ABCA2: variants seen among roughly 807,000 people sequenced by gnomAD.
ABCA2 encodes ATP-binding cassette sub-family A member 2.
In ABCA2, 84 loss-of-function variants were observed where a neutral mutation model predicts 262.8. The ratio of observed to expected loss-of-function variants is 0.32; its 90% CI spans 0.27 to 0.38. ABCA2 has a LOEUF of 0.38. Ranked by LOEUF, ABCA2 falls within the 10% of genes least tolerant of loss-of-function variation. The probability of loss-of-function intolerance (pLI) is 1.00; values close to 1 mark genes in which losing one functional copy is unlikely to be tolerated. For synonymous variants in ABCA2, 1,696 were observed against 1,502.9 expected, an observed-to-expected ratio of 1.13 and a Z score of -2.97; for missense variants, 2,662 against 3,405.9, an observed-to-expected ratio of 0.78 and a Z score of 5.44.
rs746310617 is a variant in ABCA2, at chr9:137,011,077, G to A, written c.5952C>T (p.Phe1984=). The A allele has an allele frequency of 5.0e-6, 8 of 1,612,090 alleles. No homozygotes were observed. Among genetic ancestry groups the A allele is most frequent in the South Asian group, 1.1e-5 (1 of 91,054 alleles). Residue 1984 remains phenylalanine (F), a synonymous_variant, in exon 39 of 49, where the codon TTC becomes TTT. Coordinates refer to ENST00000341511, the MANE Select transcript of ABCA2 (RefSeq NM_001606.5). This position sits in a 1 kb window ranked among gnomAD's most constrained non-coding sequence, Gnocchi z 8.8. ...IGQFDKMKSP[F]EWDIVTRGLV... ...GTCCGCGGGTGACAATGTCCCACTC[G>A]AACGGGGACTTCATCTTGTCAAACT...
At position 137,013,226 on chromosome 9, in the gene ABCA2, G is replaced by A. The variant is rs572276239; in HGVS notation, c.4643C>T (p.Pro1548Leu). The A allele has an allele frequency of 1.6e-5, 25 of 1,602,436 alleles. No individual in the cohort carries two copies. The East Asian group carries it at 4.9e-4, about 32-fold the overall frequency. ...GVGATCVLKS[P>L]ANGSLGPTLN... ...CGTGGGCCCCAGCGAGCCGTTGGCG[G>A]GAGACTTGAGCACGCAGGTGGCACC... is the stretch of plus-strand genomic sequence containing the variant. Residue 1548 changes from proline (P) to leucine (L), a missense_variant, in exon 30 of 49, where the codon CCC (proline) becomes CTC (leucine). By Grantham distance (98) the Pro-to-Leu change is moderately conservative. This residue lies in a region of ABCA2 where 192 missense variants were observed against 207.2 expected (regional missense o/e 0.93). Coordinates refer to ENST00000341511, the MANE Select transcript of ABCA2 (RefSeq NM_001606.5).
rs1177786102 is a variant in ABCA2 at position 137,017,542 on chromosome 9, G to A, written c.2362C>T (p.Leu788Phe). The A allele has an allele frequency of 2.5e-6, 4 of 1,611,562 alleles. No individual in the cohort carries two copies. The highest frequency in any genetic ancestry group is 3.4e-6 in the Non-Finnish European group (4 of 1,178,944). The change falls in exon 17 of 49, where the codon CTC becomes TTC. Residue 788 changes from leucine (L) to phenylalanine (F), a missense_variant. By Grantham distance (22) the Leu-to-Phe change is conservative. This residue lies in a region of ABCA2 where 188 missense variants were observed against 343.4 expected (regional missense o/e 0.55). Coordinates refer to ENST00000341511, the MANE Select transcript of ABCA2 (RefSeq NM_001606.5). ...LMHSHVVIIW[L>F]FLAVYAVATI... ...GCCACCGCGTAGACTGCCAGGAAGA[G>A]CCAGATGATGACCACGTGGCTGTGC...
In ABCA2 at chr9:137,018,771, A is replaced by G; in HGVS notation, c.1767T>C (p.Ile589=). 4 of 1,612,532 alleles carry G rather than the reference A, an allele frequency of 2.5e-6. No homozygotes were observed. The highest frequency in any genetic ancestry group is 3.4e-6 in the Non-Finnish European group (4 of 1,179,834). ...AGGCCTGGTTGAGGGTGTAGTTGAC[A>G]ATGCTCTCCTCGTCGGGGAAGCCCT... is the stretch of plus-strand genomic sequence containing the variant. The part of the protein sequence containing the change: ...IFKGFPDEES[I]VNYTLNQAYQ... Residue 589 remains isoleucine (I), a synonymous_variant, in exon 13 of 49, where the codon ATT becomes ATC. Transcript: ENST00000341511.
chr9:137,012,412 C>A (rs369987010), intron 32 of ABCA2, 36 bp from the exon 33 acceptor site: 11 of 1,609,086 alleles, frequency 6.8e-6, no homozygotes, highest in Non-Finnish European at 9.3e-6. Context: ...GGCCCCAGGA[C>A]CTCAGACCTG....
chr9:137,015,500 C>A lies in ABCA2; in HGVS notation c.3611G>T (p.Gly1204Val). The change falls in exon 24 of 49, where the codon GGC becomes GTC. Residue 1204 changes from glycine (G) to valine (V), a missense_variant. By Grantham distance (109) the Gly-to-Val change is moderately radical (BLOSUM62 -3). Coordinates refer to ENST00000341511, the MANE Select transcript of ABCA2 (RefSeq NM_001606.5). Reference sequence around the variant, plus strand: ...GGTGCCCTTGAGGAAGAGCGGGGAGCCGCAGCACTTGAGCTTCCCATGGGA... The same window carrying A: ...GGTGCCCTTGAGGAAGAGCGGGGAGACGCAGCACTTGAGCTTCCCATGGGA... The part of the protein sequence containing the change: ...IISHGKLKCC[G>V]SPLFLKGTYG... 1 of 1,611,736 alleles carries A rather than the reference C, an allele frequency of 6.2e-7. No individual in the cohort carries two copies. The highest frequency in any genetic ancestry group is 8.5e-7 in the Non-Finnish European group (1 of 1,179,506).
rs550747733 is a variant in ABCA2, at chr9:137,026,188, C to T, written c.66+1887G>A. On this transcript the variant is annotated intron_variant, in intron 1 of 48. Transcript: ENST00000341511. ...TCCAGCTAACTAAGAGGAGATAGGCCACACTCACAGACAGGGAAACTGAGG... is the reference window on the plus strand; with the variant it reads ...TCCAGCTAACTAAGAGGAGATAGGCTACACTCACAGACAGGGAAACTGAGG... Among the ~76,000 whole-genome samples the T allele has an allele frequency of 2.1e-3, 325 of 152,330 alleles. 2 individuals are homozygous for T. The highest frequency in any genetic ancestry group is 7.7e-3 in the African/African-American group (319 of 41,580).
rs1831247566 is a variant in ABCA2, at chr9:137,015,983, T to G, written c.3296A>C (p.Glu1099Ala). Residue 1099 changes from glutamate to alanine, a missense_variant, in exon 22 of 49, where the codon GAG becomes GCG. By Grantham distance (107) the Glu-to-Ala change is moderately radical. Transcript: ENST00000341511. ...CCACTTGTCCATCTCTCTGCGGATCTCCTCCTGAGCCATGCTCTTGAGCCG... is the reference window on the plus strand; with the variant it reads ...CCACTTGTCCATCTCTCTGCGGATCGCCTCCTGAGCCATGCTCTTGAGCCG... ...YSRLKSMAQE[E>A]IRREMDKMIE... The G allele has an allele frequency of 7.3e-7, 1 of 1,372,578 alleles. No homozygotes were observed. The highest frequency in any genetic ancestry group is 1.1e-5 in the South Asian group (1 of 87,660). The allele number at this position is 1,372,578 out of a possible 1,614,324, so 85.0% of individuals were successfully genotyped here.
rs562896926 is a variant in ABCA2 at position 137,011,874 on chromosome 9, G to A, written c.5505C>T (p.Ile1835=). The change falls in exon 35 of 49, where the codon ATC becomes ATT. Residue 1835 remains isoleucine, a synonymous_variant. Coordinates refer to ENST00000341511, the MANE Select transcript of ABCA2 (RefSeq NM_001606.5). The surrounding 1 kb of genome is among the most constrained non-coding windows in gnomAD (Gnocchi z 8.8). ...LQFVSGCNPI[I]YWLANYVWDM... ...CCCACACGTAGTTCGCCAGCCAGTA[G>A]ATGATGGGGTTGCAGCCGCTGACAA... The A allele has an allele frequency of 3.9e-5, 63 of 1,608,692 alleles. No individual in the cohort carries two copies. The South Asian group carries it at 6.7e-4, about 17-fold the overall frequency.
Position 137,012,741 on chromosome 9 carries a change from G to A in ABCA2, c.5052C>T (p.Leu1684=). Residue 1684 remains leucine, a synonymous_variant, in exon 31 of 49, where the codon CTC becomes CTT. Transcript: ENST00000341511. ...GCAGTCGGAAGCGGTCGGAGGTGAA[G>A]AGCAGGTACTCAGAGACATTGTGGC... The part of the protein sequence containing the change: ...ITGHNVSEYL[L]FTSDRFRLHR... 4 of 1,612,688 alleles carry A rather than the reference G, an allele frequency of 2.5e-6. No homozygotes were observed. The highest frequency in any genetic ancestry group is 4.5e-5 in the East Asian group (2 of 44,868).
chr9:137,013,414 C>A, intron 29 of ABCA2, 47 bp downstream of exon 29: 1 of 1,561,804 alleles, frequency 6.4e-7, no homozygotes, highest in Non-Finnish European at 8.7e-7. Context: ...TGTCCCCGCC[C>A]CTTCACTCGC....
At position 137,016,749 on chromosome 9, in the gene ABCA2, G is replaced by C; in HGVS notation, c.2759-11C>G. On this transcript the variant is annotated splice_polypyrimidine_tract_variant and intron_variant, in intron 19 of 48. Coordinates refer to ENST00000341511, the MANE Select transcript of ABCA2 (RefSeq NM_001606.5). ...GCAGCCCGTACATGCCTGGGGGTCG[G>C]GGAGGGGAGGGGAGGCTGACCTAGG... 1 of 1,537,954 alleles carries C rather than the reference G, an allele frequency of 6.5e-7. No individual in the cohort carries two copies. The highest frequency in any genetic ancestry group is 8.7e-7 in the Non-Finnish European group (1 of 1,146,062).
Position 137,016,119 on chromosome 9 carries a change from G to A in ABCA2, c.3160C>T (p.His1054Tyr), listed in dbSNP as rs776095869. 5 of 1,612,884 alleles carry A rather than the reference G, an allele frequency of 3.1e-6. No homozygotes were observed. The highest frequency in any genetic ancestry group is 2.2e-5 in the East Asian group (1 of 44,882). The change falls in exon 22 of 49, where the codon CAC becomes TAC. Residue 1054 changes from histidine to tyrosine, a missense_variant. Physicochemically the swap from His to Tyr is moderately conservative, Grantham distance 83. This residue lies in a region of ABCA2 where 180 missense variants were observed against 307.3 expected (regional missense o/e 0.59). Coordinates refer to ENST00000341511, the MANE Select transcript of ABCA2 (RefSeq NM_001606.5). ...TCATCCATCTCCGTGCGGATGTCGT[G>A]CCCGTAGATGGTGGCGGAACCCGAC... ...PTSGSATIYG[H>Y]DIRTEMDEIR...
At chr9:137,018,397 C>T in intron 13 of ABCA2, 46 bp from the exon 14 acceptor site, 1 of 840,982 alleles carries the variant, frequency 1.2e-6, no homozygotes, top group Non-Finnish European at 1.5e-6. Flanking sequence ...GGGGCGGGAC[C>T]AAGGCGTGGT....
rs1343630246 is a variant in ABCA2 at position 137,021,024 on chromosome 9, G to A, written c.935C>T (p.Pro312Leu). Residue 312 changes from proline to leucine, a missense_variant, in exon 9 of 49, where the codon CCA (proline) becomes CTA (leucine). Physicochemically the swap from Pro to Leu is moderately conservative, Grantham distance 98. Coordinates refer to ENST00000341511, the MANE Select transcript of ABCA2 (RefSeq NM_001606.5). The surrounding 1 kb of genome is among the most constrained non-coding windows in gnomAD (Gnocchi z 6.0). Reference protein sequence around the residue: ...LDAPNGSDSSPQAPPPRRLQA... With the variant: ...LDAPNGSDSSLQAPPPRRLQA... ...CAGCCTCCGTGGGGGTGGCGCCTGT[G>A]GCGAGGAGTCCGAGCCGTTGGGGGC... The A allele has an allele frequency of 8.7e-6, 13 of 1,487,150 alleles. No individual in the cohort carries two copies. In the South Asian group the frequency reaches 1.7e-4, roughly 20 times the overall value. 92.1% of individuals were successfully genotyped at this position (1,487,150 alleles called of 1,614,324 possible). A position where few individuals can be genotyped will look rare whatever the true frequency, so the allele number is the denominator to read the frequency against.
chr9:137,008,900 G>GCCCCCCCCCCCCCCTTGCGC, intron 46 of ABCA2, 32 bp from the exon 47 acceptor site: 1 of 1,555,278 alleles, frequency 6.4e-7, no homozygotes, highest in Non-Finnish European at 8.7e-7. Context: ...GCCTGGCAGC[G>GCCCCCCCCCCCCCCTTGCGC]CCCCCCCACC....
rs1449979402 is a variant in ABCA2, at chr9:137,021,905, G to A, written c.664C>T (p.Leu222=). The change falls in exon 7 of 49, where the codon CTG becomes TTG. Residue 222 remains leucine (L), a synonymous_variant. Transcript: ENST00000341511. This position sits in a 1 kb window ranked among gnomAD's most constrained non-coding sequence, Gnocchi z 6.0. ...EPWSRLGGNP[L]FRMEELLLAP... Reference sequence around the variant, plus strand: ...GATGCCCTCACCTCCATCCGGAACAGGGGATTGCCCCCTAGGCGGCTCCAG... The same window carrying A: ...GATGCCCTCACCTCCATCCGGAACAAGGGATTGCCCCCTAGGCGGCTCCAG... The A allele has an allele frequency of 1.3e-6, 2 of 1,599,350 alleles. No homozygotes were observed. The highest frequency in any genetic ancestry group is 1.7e-6 in the Non-Finnish European group (2 of 1,173,974).
chr9:137,011,412 C>T lies in ABCA2; in HGVS notation c.5794G>A (p.Asp1932Asn). ...CCATGTCGTCACCGCCCCACCTTGT[C>T]GTGCTCGAAGAGCTGTAGCAGGAAG... is the stretch of plus-strand genomic sequence containing the variant. ...ATFLLQLFEH[D>N]KDLKVVNSYL... The change falls in exon 37 of 49, where the codon GAC (aspartate) becomes AAC (asparagine). Residue 1932 changes from aspartate to asparagine, a missense_variant. Coordinates refer to ENST00000341511, the MANE Select transcript of ABCA2 (RefSeq NM_001606.5). This position sits in a 1 kb window ranked among gnomAD's most constrained non-coding sequence, Gnocchi z 8.8. The T allele has an allele frequency of 2.5e-6, 4 of 1,610,634 alleles. No homozygotes were observed. Among genetic ancestry groups the T allele is most frequent in the South Asian group, 1.1e-5 (1 of 90,702 alleles).
rs377342244 is a variant in ABCA2, at chr9:137,022,877, C to T, written c.276-12G>A. On this transcript the variant is annotated splice_polypyrimidine_tract_variant and intron_variant, in intron 4 of 48. Transcript: ENST00000341511. ...GCAGCTGCGTGACCCTGCACCATGG[C>T]GGATGTCACTCACTGGATGGGCTGG... The T allele has an allele frequency of 1.1e-5, 14 of 1,229,022 alleles. No homozygotes were observed. Among genetic ancestry groups the T allele is most frequent in the Middle Eastern group, 2.2e-4 (1 of 4,470 alleles). The allele number at this position is 1,229,022 out of a possible 1,614,324, so 76.1% of individuals were successfully genotyped here.
intron 10 of ABCA2, 47 bp downstream of exon 10, chr9:137,020,289 C>T (rs1831406236): frequency 1.2e-6 from 2 of 1,606,794 alleles, no homozygotes; most frequent in Admixed American, 1.7e-5. Flanking sequence ...TGCAGAGACC[C>T]CCTCCCACTC....
Sources: allele counts gnomAD v4.1 joint callset (sites outside exome capture counted in the v4.1 genomes callset), GRCh38; gene constraint gnomAD v4.1.1; regional missense constraint gnomAD v4.1.1; non-coding constraint Gnocchi (gnomAD v3.1); transcripts MANE v1.5; gene names NCBI Gene and HGNC (gene_info 2026-07-23, HGNC 2026-07-21).